Variants in RFPL1 observed in about 807,000 individuals in gnomAD.
The protein encoded by RFPL1 is ret finger protein like 1.
Under a neutral mutation model 9.6 loss-of-function variants are expected in RFPL1, and 6 were observed. That is an observed-to-expected ratio of 0.62 (90% CI 0.34 to 1.23). The LOEUF (loss-of-function observed/expected upper bound fraction) is 1.23. Among genes scored for constraint, RFPL1 ranks in the 50% most tolerant of loss-of-function variants. The pLI, the probability that RFPL1 is intolerant of heterozygous loss-of-function variation, is 0.03. For synonymous variants in RFPL1, 145 were observed against 149.4 expected (o/e 0.97, Z 0.22); for missense variants, 352 against 398.4 (o/e 0.88, Z 0.99).
the RFPL1 span, among the ~76,000 whole-genome samples, chr22:29,429,915 G>A: frequency 1.3e-5 from 2 of 152,130 alleles, no homozygotes; most frequent in South Asian, 2.1e-4. Context: ...GGTCACCCAA[G>A]GAGAGCTCAG....
the RFPL1 span, among the ~76,000 whole-genome samples, chr22:29,410,281 G>GATATAT: frequency 1.9e-4 from 21 of 110,912 alleles, no homozygotes; most frequent in African/African-American, 6.8e-4. Context: ...TATATATATA[G>GATATAT]ATCTATATAT....
At chr22:29,429,991 G>C in the RFPL1 span, among the ~76,000 whole-genome samples, 2 of 152,028 alleles carry the variant, frequency 1.3e-5, no homozygotes, top group Non-Finnish European at 2.9e-5. Flanking sequence ...GCCCACTTTG[G>C]ACATTCCTGA....
chr22:29,439,152 C>A, exon 1 of RFPL1: 1 of 1,613,842 alleles, frequency 6.2e-7, no homozygotes, highest in Middle Eastern at 1.6e-4. Flanking sequence ...CCCAAGGATG[C>A]GGAAGTTCCA....
At chr22:29,418,119 T>C in the RFPL1 span, among the ~76,000 whole-genome samples, 2 of 151,898 alleles carry the variant, frequency 1.3e-5, no homozygotes, top group African/African-American at 2.4e-5. Flanking sequence ...TTAGTAGAGA[T>C]GGGGTTTCAC....
At chr22:29,418,140 A>G in the RFPL1 span, among the ~76,000 whole-genome samples, 2 of 152,056 alleles carry the variant, frequency 1.3e-5, no homozygotes, top group African/African-American at 4.8e-5. Flanking sequence ...CATCTTGGCC[A>G]GGTGGTCTTG....
At chr22:29,414,392 G>C in the RFPL1 span, among the ~76,000 whole-genome samples, 1 of 152,198 alleles carries the variant, frequency 6.6e-6, no homozygotes, top group South Asian at 2.1e-4. Context: ...TGTAAGTGTG[G>C]GATTTCAATT....
the RFPL1 span, among the ~76,000 whole-genome samples, chr22:29,431,946 C>T: frequency 6.6e-6 from 1 of 152,260 alleles, no homozygotes; most frequent in South Asian, 2.1e-4. Context: ...CCCACCTCGG[C>T]CTCCCAAAGT....
chr22:29,416,250 G>C, the RFPL1 span, among the ~76,000 whole-genome samples: 1,581 of 152,292 alleles, frequency 0.01, 28 homozygotes, highest in African/African-American at 0.036. Flanking sequence ...GGGGCTGACT[G>C]TCTCATCTCA....
the RFPL1 span, among the ~76,000 whole-genome samples, chr22:29,427,931 G>A: frequency 2.0e-5 from 3 of 152,158 alleles, no homozygotes; most frequent in African/African-American, 7.2e-5. Flanking sequence ...CACATCCCTT[G>A]TAATTCACCC....
At chr22:29,391,486 A>T in the RFPL1 span, among the ~76,000 whole-genome samples, 55 of 152,326 alleles carry the variant, frequency 3.6e-4, 1 homozygote, top group African/African-American at 1.3e-3. Context: ...TTCATTGGGA[A>T]TGTAACATCA....
chr22:29,416,463 A>G, the RFPL1 span, among the ~76,000 whole-genome samples: 4 of 152,306 alleles, frequency 2.6e-5, no homozygotes, highest in East Asian at 3.9e-4. Flanking sequence ...CTAAAGAAAG[A>G]TGCAACTGAA....
the RFPL1 span, among the ~76,000 whole-genome samples, chr22:29,428,256 A>G: frequency 1.3e-5 from 2 of 152,220 alleles, no homozygotes; most frequent in Admixed American, 1.3e-4. Flanking sequence ...AAAAAACATA[A>G]AAAGAGACAT....
At chr22:29,435,251 G>A (rs1178964468), upstream of RFPL1, among the ~76,000 whole-genome samples, 1 of 152,206 alleles carries the variant, frequency 6.6e-6, no homozygotes, top group East Asian at 1.9e-4. Flanking sequence ...AGTGGCTTTT[G>A]CTGGCTCTCT....
At chr22:29,399,994 CT>C in the RFPL1 span, among the ~76,000 whole-genome samples, 47,710 of 116,144 alleles carry the variant, frequency 0.41, 8,071 homozygotes, top group East Asian at 0.63. Flanking sequence ...CTTTTCTTTT[CT>C]TTTTTTTTTT....
At chr22:29,396,350 ACT>A in the RFPL1 span, among the ~76,000 whole-genome samples, 1 of 151,936 alleles carries the variant, frequency 6.6e-6, no homozygotes, top group Non-Finnish European at 1.5e-5. Context: ...ACTCTCTCTC[ACT>A]CTCTCTCTTT....
chr22:29,437,500 C>T (rs1440986279), upstream of RFPL1: 2 of 1,009,944 alleles, frequency 2.0e-6, no homozygotes, highest in East Asian at 2.7e-5. Context: ...AATACACTGT[C>T]AGGATGAAGG....
exon 2 of RFPL1, chr22:29,442,252 C>T: frequency 3.3e-6 from 2 of 603,476 alleles, no homozygotes; most frequent in Non-Finnish European, 5.4e-6. Flanking sequence ...CATGATTATA[C>T]TTAATCTAAT....
the RFPL1 span, among the ~76,000 whole-genome samples, chr22:29,408,353 C>G: frequency 1.5e-4 from 23 of 152,282 alleles, no homozygotes; most frequent in African/African-American, 5.5e-4. Context: ...TGCCTTCCTT[C>G]AACACCAAGG....
At chr22:29,392,232 A>C in the RFPL1 span, among the ~76,000 whole-genome samples, 1 of 151,206 alleles carries the variant, frequency 6.6e-6, no homozygotes, top group Non-Finnish European at 1.5e-5. Flanking sequence ...GGCGCCCACC[A>C]CCAAACCCAG....
Sources: gnomAD v4.1 joint callset for allele counts (sites outside exome capture counted in the v4.1 genomes callset) on GRCh38, gnomAD v4.1.1 for gene constraint, MANE v1.5 for transcripts, NCBI Gene and HGNC (gene_info 2026-07-23, HGNC 2026-07-21) for gene names.